CDKL5: variants seen among roughly 807,000 people sequenced by gnomAD.
CDKL5 encodes the protein cyclin-dependent kinase-like 5.
Under a neutral mutation model 61.7 loss-of-function variants are expected in CDKL5, and 8 were observed. The observed-to-expected ratio is 0.13, with a 90% CI of 0.08 to 0.23. The LOEUF (loss-of-function observed/expected upper bound fraction) is 0.23, where lower values mean the gene tolerates loss of function less well. CDKL5 is among the 10% of genes least tolerant of loss of function. The pLI, the probability that CDKL5 is intolerant of heterozygous loss-of-function variation, is 1.00. For synonymous variants in CDKL5, 275 were observed against 272.3 expected (o/e 1.01, Z -0.10); for missense variants, 440 against 734.5 (o/e 0.60, Z 4.63).
intron 9 of CDKL5, among the ~76,000 whole-genome samples, chrX:18,593,092 ATAT>A (rs1472089456): frequency 8.0e-5 from 9 of 112,137 alleles, no homozygotes; most frequent in African/African-American, 2.9e-4. Context: ...TAAAGATGAA[ATAT>A]TATTTGTAAA....
At chrX:18,618,816 A>G (rs899127653) in intron 15 of CDKL5, among the ~76,000 whole-genome samples, 3 of 110,500 alleles carry the variant, frequency 2.7e-5, no homozygotes, top group Non-Finnish European at 5.7e-5. Context: ...TGAAAGTAAA[A>G]AAATTATCCA....
At chrX:18,574,166 G>C (rs965303563) in intron 4 of CDKL5, among the ~76,000 whole-genome samples, 3 of 111,868 alleles carry the variant, frequency 2.7e-5, no homozygotes, top group African/African-American at 9.8e-5. Context: ...TTACCCAAAA[G>C]CTTGTGGCTA....
chrX:18,634,633 C>G lies in CDKL5; in HGVS notation c.*5876C>G. 1 of 753,891 alleles carries G rather than the reference C, an allele frequency of 1.3e-6. No individual in the cohort carries two copies. Among genetic ancestry groups the G allele is most frequent in the African/African-American group, 2.3e-5 (1 of 43,764 alleles). The allele number at this position is 753,891 out of a possible 1,213,427, so 62.1% of individuals were successfully genotyped here. ...AATGATTCTGGCCCTCAGTCTGTTT[C>G]CCTCCCCTTGTTTACTCTTTGGTCA... On this transcript the variant is annotated 3_prime_UTR_variant, in exon 18 of 18. Transcript: ENST00000623535.
chrX:18,483,429 T>A (rs2147074964), intron 1 of CDKL5, among the ~76,000 whole-genome samples: 1 of 110,831 alleles, frequency 9.0e-6, no homozygotes, highest in South Asian at 3.9e-4. Context: ...ATCATCTTTT[T>A]TTTTTTGAGA....
chrX:18,528,005 A>G (rs752958760), intron 3 of CDKL5, among the ~76,000 whole-genome samples: 2 of 111,363 alleles, frequency 1.8e-5, no homozygotes, highest in African/African-American at 6.5e-5. Context: ...TTTTCCAGCT[A>G]TGTTTTTGTT....
chrX:18,587,868 A>G (rs1305665238), intron 8 of CDKL5, 86 bp from the exon 9 acceptor site: 1 of 860,332 alleles, frequency 1.2e-6, no homozygotes, highest in Non-Finnish European at 1.7e-6. Context: ...AGTGTGCTGC[A>G]CATAAATTTG....
At chrX:18,599,869 C>T (rs1234077439) in intron 11 of CDKL5, among the ~76,000 whole-genome samples, 4 of 112,120 alleles carry the variant, frequency 3.6e-5, no homozygotes, top group Admixed American at 1.9e-4. Flanking sequence ...GTGTCTTGCT[C>T]GATTGCTCAG....
chrX:18,557,843 G>A (rs762278095), intron 3 of CDKL5, among the ~76,000 whole-genome samples: 1 of 112,221 alleles, frequency 8.9e-6, no homozygotes, highest in South Asian at 3.7e-4. Flanking sequence ...TTATAAGTCT[G>A]TCTAGTATGA....
At chrX:18,474,926 ATTTAT>A (rs956907368) in intron 1 of CDKL5, among the ~76,000 whole-genome samples, 7 of 109,347 alleles carry the variant, frequency 6.4e-5, no homozygotes, top group African/African-American at 2.3e-4. Context: ...TTGAATTTTT[ATTTAT>A]TTTAAACTTT....
intron 3 of CDKL5, among the ~76,000 whole-genome samples, chrX:18,526,650 T>C (rs896836331): frequency 2.2e-4 from 25 of 111,734 alleles, no homozygotes; most frequent in African/African-American, 8.1e-4. Flanking sequence ...TTTTTTTTCT[T>C]AAATCGGTGA....
chrX:18,492,172 C>T (rs1922016797), intron 1 of CDKL5, among the ~76,000 whole-genome samples: 1 of 111,125 alleles, frequency 9.0e-6, no homozygotes, highest in South Asian at 3.8e-4. Context: ...TTGGTTTTTG[C>T]TAATGTAAAA....
At position 18,637,938 on chromosome X, in the gene CDKL5, C is replaced by A. The variant is rs2147185475; in HGVS notation, c.*9181C>A. The A allele has an allele frequency of 8.9e-6, 1 of 111,794 alleles. No individual in the cohort carries two copies. The highest frequency in any genetic ancestry group is 3.2e-5 in the African/African-American group (1 of 30,770). 9.2% of individuals were successfully genotyped at this position (111,794 alleles called of 1,213,427 possible). On this transcript the variant is annotated 3_prime_UTR_variant, in exon 18 of 18. Transcript: ENST00000623535. ...GCACAGCCCTTTAGATGCACGTAGC[C>A]TATTTGATCTTCGTATCAGCCCTGT...
chrX:18,549,916 G>A (rs1011691365), intron 3 of CDKL5, among the ~76,000 whole-genome samples: 2 of 111,557 alleles, frequency 1.8e-5, no homozygotes, highest in African/African-American at 6.5e-5. Flanking sequence ...GCATGCTGTG[G>A]TTAGGTAAAG....
At chrX:18,440,112 A>G (rs1236802342) in intron 1 of CDKL5, among the ~76,000 whole-genome samples, 2 of 111,075 alleles carry the variant, frequency 1.8e-5, no homozygotes, top group Admixed American at 9.7e-5. Context: ...GAAGTTTGCC[A>G]TATCTGTTGA....
intron 1 of CDKL5, among the ~76,000 whole-genome samples, chrX:18,449,490 C>T (rs763514105): frequency 4.1e-4 from 45 of 110,898 alleles, no homozygotes; most frequent in Admixed American, 3.9e-3. Flanking sequence ...TTATATCCTG[C>T]CCTTCCCCCC....
intron 15 of CDKL5, among the ~76,000 whole-genome samples, chrX:18,615,075 AG>A (rs1356658832): frequency 8.9e-6 from 1 of 112,171 alleles, no homozygotes; most frequent in East Asian, 2.8e-4. Context: ...AAAGAATGAG[AG>A]GCTCAATTGG....
intron 9 of CDKL5, among the ~76,000 whole-genome samples, chrX:18,590,324 A>G (rs751117165): frequency 1.8e-5 from 2 of 112,046 alleles, no homozygotes; most frequent in Middle Eastern, 4.6e-3. Flanking sequence ...CAGCATGGCA[A>G]TTGCTGGTCA....
At chrX:18,492,257 G>A (rs1922020110) in intron 1 of CDKL5, among the ~76,000 whole-genome samples, 1 of 110,871 alleles carries the variant, frequency 9.0e-6, no homozygotes, top group African/African-American at 3.3e-5. Flanking sequence ...ATGTTTAAGA[G>A]CCATTTGTGT....
chrX:18,450,486 G>C (rs1931986834), intron 1 of CDKL5, among the ~76,000 whole-genome samples: 1 of 112,125 alleles, frequency 8.9e-6, no homozygotes, highest in Non-Finnish European at 1.9e-5. Context: ...ATGAAGGACA[G>C]TATGCCAAAT....
Sources: gnomAD v4.1 joint callset for allele counts (sites outside exome capture counted in the v4.1 genomes callset) on GRCh38, gnomAD v4.1.1 for gene constraint, MANE v1.5 for transcripts, NCBI Gene and HGNC (gene_info 2026-07-23, HGNC 2026-07-21) for gene names.